The following FAM53A variants were observed in gnomAD, a reference collection of about 807,000 sequenced individuals.
FAM53A encodes the protein protein FAM53A.
Under a neutral mutation model 26.6 loss-of-function variants are expected in FAM53A, and 28 were observed. The ratio of observed to expected loss-of-function variants is 1.05; its 90% CI spans 0.78 to 1.45. FAM53A has a LOEUF of 1.45. Among genes scored for constraint, FAM53A ranks in the 40% most tolerant of loss-of-function variants. The pLI, the probability that FAM53A is intolerant of heterozygous loss-of-function variation, is 0.00. For missense variants in FAM53A, 650 were observed against 575.8 expected, an observed-to-expected ratio of 1.13 and a Z score of -1.32; for synonymous variants, 290 against 253.1, an observed-to-expected ratio of 1.15 and a Z score of -1.38.
intron 1 of FAM53A, among the ~76,000 whole-genome samples, chr4:1,679,121 T>C (rs896176528): frequency 6.6e-6 from 1 of 152,128 alleles, no homozygotes; most frequent in African/African-American, 2.4e-5. Context: ...AAAAGACTTA[T>C]TTGACAAAGA....
chr4:1,672,363 GGAACCCACGAACCC>G (rs1714742419), intron 1 of FAM53A, among the ~76,000 whole-genome samples: 1 of 137,652 alleles, frequency 7.3e-6, no homozygotes, highest in African/African-American at 3.3e-5. Context: ...CAGGAACCCA[GGAACCCACGAACCC>G]ACGAACCCAG....
chr4:1,590,959 T>TATAC, the FAM53A span, among the ~76,000 whole-genome samples: 1,494 of 62,244 alleles, frequency 0.024, 108 homozygotes, highest in African/African-American at 0.051. Context: ...TTAATGCATA[T>TATAC]ATATATATAT....
chr4:1,576,753 G>A, the FAM53A span, among the ~76,000 whole-genome samples: 2 of 152,230 alleles, frequency 1.3e-5, no homozygotes, highest in East Asian at 3.9e-4. Context: ...CTGGAGAGGT[G>A]CCCGGCACCA....
Position 1,620,823 on chromosome 4 carries a change from C to T in FAM53A, c.432-2712G>A, listed in dbSNP as rs563410801. On this transcript the variant is annotated intron_variant, in intron 1 of 1. Coordinates refer to the FAM53A transcript ENST00000489029. ...CCAAAACACAACACTGCCATCAACACGGTAGCAGCAACCACAGCAAAAGTC... is the reference window on the plus strand; with the variant it reads ...CCAAAACACAACACTGCCATCAACATGGTAGCAGCAACCACAGCAAAAGTC... Among the ~76,000 whole-genome samples the T allele has an allele frequency of 5.9e-5, 9 of 152,282 alleles. No individual in the cohort carries two copies. The South Asian group carries it at 1.0e-3, about 18-fold the overall frequency.
intron 4 of FAM53A, chr4:1,644,190 T>TTC: frequency 5.2e-6 from 8 of 1,535,876 alleles, no homozygotes; most frequent in Non-Finnish European, 7.0e-6. Flanking sequence ...GCTACGCACC[T>TTC]TCAGGGGCCA....
chr4:1,588,811 A>G, the FAM53A span, among the ~76,000 whole-genome samples: 1 of 152,352 alleles, frequency 6.6e-6, no homozygotes, highest in Non-Finnish European at 1.5e-5. Context: ...GTAATTTATT[A>G]TGCATAAATG....
At chr4:1,637,032 C>A (rs892718081), downstream of FAM53A, among the ~76,000 whole-genome samples, 1 of 152,218 alleles carries the variant, frequency 6.6e-6, no homozygotes, top group Non-Finnish European at 1.5e-5. Context: ...TCCCGCTGCA[C>A]CAGAGCACGG....
Position 1,633,844 on chromosome 4 carries a change from G to T in FAM53A, c.432-15733C>A, listed in dbSNP as rs1464042167. The stretch of plus-strand genomic sequence containing the variant: ...ACATTACCAGAATTAACTTAAAGAG[G>T]TTTTAAAAAAAAAATCTATATCCAT... On this transcript the variant is annotated intron_variant, in intron 1 of 1. Transcript: ENST00000489029. 2.0e-5 allele frequency among the ~76,000 whole-genome samples: 3 copies of T among 151,620 alleles called. No homozygotes were observed. In the East Asian group the frequency reaches 5.8e-4, roughly 29 times the overall value.
chr4:1,613,881 C>T (rs1714713765), downstream of FAM53A, among the ~76,000 whole-genome samples: 1 of 152,186 alleles, frequency 6.6e-6, no homozygotes, highest in African/African-American at 2.4e-5. Flanking sequence ...AGAACAGTAC[C>T]TGTACCTCAC....
chr4:1,657,483 A>T lies in FAM53A; in HGVS notation c.76-15T>A. The T allele has an allele frequency of 6.2e-7, 1 of 1,611,906 alleles. No homozygotes were observed. Among genetic ancestry groups the T allele is most frequent in the Non-Finnish European group, 8.5e-7 (1 of 1,178,612 alleles). ...GAATACTGCAACTGACAGGAAAGAGAAGTTTCAATACTGTGACTGACACGT... is the reference window on the plus strand; with the variant it reads ...GAATACTGCAACTGACAGGAAAGAGTAGTTTCAATACTGTGACTGACACGT... On this transcript the variant is annotated splice_polypyrimidine_tract_variant and intron_variant, in intron 2 of 4. Coordinates refer to ENST00000308132, the MANE Select transcript of FAM53A (RefSeq NM_001174070.3).
At chr4:1,576,604 G>A in the FAM53A span, among the ~76,000 whole-genome samples, 4 of 152,274 alleles carry the variant, frequency 2.6e-5, no homozygotes, top group Non-Finnish European at 5.9e-5. Context: ...ATTTGTAAAT[G>A]AGGCAGAGTT....
chr4:1,609,342 G>A, the FAM53A span, among the ~76,000 whole-genome samples: 5 of 152,060 alleles, frequency 3.3e-5, no homozygotes, highest in Non-Finnish European at 7.4e-5. Context: ...TGACTCTCAC[G>A]GGAAGGCCCA....
the FAM53A span, among the ~76,000 whole-genome samples, chr4:1,608,613 G>T: frequency 1.3e-5 from 2 of 152,088 alleles, no homozygotes; most frequent in Admixed American, 1.3e-4. Flanking sequence ...GTCAGCAGTG[G>T]CTGAAACCCA....
rs571753313 is a variant in FAM53A, at chr4:1,644,326, C to T, written c.883-2719G>A. On this transcript the variant is annotated intron_variant, in intron 4 of 4. Coordinates refer to ENST00000308132, the MANE Select transcript of FAM53A (RefSeq NM_001174070.3). ...GCCTCGGACGCGGGACTCGCACTCG[C>T]GGGCACAGCTGTGCGGCTAGAGCGT... 150 of 1,535,878 alleles carry T rather than the reference C, an allele frequency of 9.8e-5. 4 individuals carry two copies. The highest frequency in any genetic ancestry group is 9.5e-4 in the South Asian group (80 of 84,060).
chr4:1,615,661 T>C (rs540954852), downstream of FAM53A, among the ~76,000 whole-genome samples: 151 of 147,500 alleles, frequency 1.0e-3, no homozygotes, highest in African/African-American at 3.6e-3. Context: ...GCCACGCCCA[T>C]CCCACCTGGG....
chr4:1,641,991 G>T (rs1319798255), intron 4 of FAM53A, among the ~76,000 whole-genome samples: 3 of 152,156 alleles, frequency 2.0e-5, no homozygotes, highest in Admixed American at 2.0e-4. Flanking sequence ...CAGGTGGCCT[G>T]TCCAGAGAGG....
chr4:1,611,093 G>A, the FAM53A span, among the ~76,000 whole-genome samples: 4 of 152,226 alleles, frequency 2.6e-5, no homozygotes, highest in Admixed American at 2.6e-4. Context: ...TGGGGGCACA[G>A]AACGGGGCCT....
At chr4:1,667,447 T>C (rs1714317860) in intron 2 of FAM53A, among the ~76,000 whole-genome samples, 1 of 152,118 alleles carries the variant, frequency 6.6e-6, no homozygotes, top group Admixed American at 6.5e-5. Flanking sequence ...AACGTACTAA[T>C]TACAGGACAC....
intron 4 of FAM53A, among the ~76,000 whole-genome samples, chr4:1,648,355 G>A (rs1227971130): frequency 6.6e-6 from 1 of 152,180 alleles, no homozygotes; most frequent in Non-Finnish European, 1.5e-5. Flanking sequence ...AGGGAGAGGG[G>A]CACACAGACG....
Sources: allele counts gnomAD v4.1 joint callset (sites outside exome capture counted in the v4.1 genomes callset), GRCh38; gene constraint gnomAD v4.1.1; transcripts MANE v1.5; gene names NCBI Gene and HGNC (gene_info 2026-07-23, HGNC 2026-07-21).